Variants in TUNAR observed in about 807,000 individuals in gnomAD.
TUNAR encodes protein TUNAR.
intron 2 of TUNAR, among the ~76,000 whole-genome samples, chr14:95,887,118 G>C (rs968499636): frequency 2.6e-5 from 4 of 152,146 alleles, no homozygotes; most frequent in African/African-American, 9.7e-5. Flanking sequence ...CTCCTGAAAC[G>C]CACCATCAGG....
chr14:95,909,539 C>T (rs1889480140), intron 2 of TUNAR, among the ~76,000 whole-genome samples: 1 of 152,140 alleles, frequency 6.6e-6, no homozygotes, highest in South Asian at 2.1e-4. Flanking sequence ...CGCCTCAGCC[C>T]CGCAAAGTGC....
chr14:95,887,452 C>CATAAGAA (rs1449174799), intron 2 of TUNAR, among the ~76,000 whole-genome samples: 6 of 152,322 alleles, frequency 3.9e-5, no homozygotes, highest in African/African-American at 1.4e-4. Context: ...GCATAAGAAG[C>CATAAGAA]TGATGACAGC....
intron 2 of TUNAR, among the ~76,000 whole-genome samples, chr14:95,880,517 A>G (rs973861589): frequency 6.6e-6 from 1 of 152,180 alleles, no homozygotes; most frequent in Non-Finnish European, 1.5e-5. Context: ...AAGAACTATT[A>G]TGTAATTTGG....
At chr14:95,920,181 T>A (rs912353650) in intron 2 of TUNAR, among the ~76,000 whole-genome samples, 3 of 152,152 alleles carry the variant, frequency 2.0e-5, no homozygotes, top group Non-Finnish European at 4.4e-5. Context: ...ACTGTATGAT[T>A]CCATTTACGC....
At chr14:95,882,589 C>T (rs1465869074) in intron 2 of TUNAR, among the ~76,000 whole-genome samples, 1 of 152,188 alleles carries the variant, frequency 6.6e-6, no homozygotes, top group East Asian at 1.9e-4. Flanking sequence ...AATGCCTTGG[C>T]AGACCTGCAT....
At chr14:95,917,276 A>G (rs966552300) in intron 2 of TUNAR, among the ~76,000 whole-genome samples, 5 of 152,186 alleles carry the variant, frequency 3.3e-5, no homozygotes, top group African/African-American at 9.7e-5. Context: ...ACAGATACTC[A>G]GGTATTCCAA....
In TUNAR at chr14:95,876,960, T is replaced by G. The variant is rs1888893107; in HGVS notation, c.-206T>G. The G allele has an allele frequency of 6.6e-6, 1 of 152,258 alleles. No individual in the cohort carries two copies. Among genetic ancestry groups the G allele is most frequent in the Non-Finnish European group, 1.5e-5 (1 of 68,104 alleles). The allele number at this position is 152,258 out of a possible 1,614,324, so 9.4% of individuals were successfully genotyped here. ...ACCTAGCCAGCGGCAGACGGGGACA[T>G]GAGCAGCGCGCACGGGGTCCCGCGC... On this transcript the variant is annotated 5_prime_UTR_variant, in exon 2 of 3. It removes an upstream start codon present in the reference 5' UTR. Transcript: ENST00000678517.
chr14:95,908,469 G>A (rs1258255378), intron 2 of TUNAR, among the ~76,000 whole-genome samples: 2 of 152,208 alleles, frequency 1.3e-5, no homozygotes, highest in African/African-American at 4.8e-5. Flanking sequence ...TAGCATCAAG[G>A]AAAGGCAGAT....
At chr14:95,891,506 G>A (rs1191694402) in intron 2 of TUNAR, among the ~76,000 whole-genome samples, 2 of 152,202 alleles carry the variant, frequency 1.3e-5, no homozygotes, top group Middle Eastern at 3.2e-3. Context: ...GCCCAAAATG[G>A]CAGATGAGGA....
chr14:95,905,172 G>A (rs1889412004), intron 2 of TUNAR, among the ~76,000 whole-genome samples: 2 of 152,084 alleles, frequency 1.3e-5, no homozygotes, highest in Admixed American at 1.3e-4. Flanking sequence ...GCACCCAGTG[G>A]CCCCTCCCGT....
At chr14:95,920,621 C>T (rs1889681910) in intron 2 of TUNAR, among the ~76,000 whole-genome samples, 2 of 152,184 alleles carry the variant, frequency 1.3e-5, no homozygotes, top group African/African-American at 4.8e-5. Context: ...GCTTGCCTCT[C>T]GTTCATACGG....
At chr14:95,878,746 C>A (rs1455931787) in intron 2 of TUNAR, among the ~76,000 whole-genome samples, 1 of 152,198 alleles carries the variant, frequency 6.6e-6, no homozygotes, top group Non-Finnish European at 1.5e-5. Flanking sequence ...ACTGGGCTAA[C>A]ACATAGTGGC....
chr14:95,919,014 C>G (rs1160281609), intron 2 of TUNAR, among the ~76,000 whole-genome samples: 4 of 152,168 alleles, frequency 2.6e-5, no homozygotes, highest in Non-Finnish European at 5.9e-5. Context: ...TGCAGTCTTT[C>G]TAAGACGACG....
At chr14:95,878,089 G>A (rs533986437) in intron 2 of TUNAR, among the ~76,000 whole-genome samples, 3 of 152,326 alleles carry the variant, frequency 2.0e-5, no homozygotes, top group Admixed American at 2.0e-4. Flanking sequence ...TAACCGGAGC[G>A]GGGGCTGATC....
intron 2 of TUNAR, among the ~76,000 whole-genome samples, chr14:95,906,919 G>A (rs1331702799): frequency 1.3e-5 from 2 of 152,062 alleles, no homozygotes; most frequent in Non-Finnish European, 2.9e-5. Context: ...CCACCTCTAG[G>A]GAACCAGTCT....
intron 2 of TUNAR, among the ~76,000 whole-genome samples, chr14:95,910,427 G>A (rs1428633370): frequency 6.6e-6 from 1 of 152,212 alleles, no homozygotes; most frequent in Non-Finnish European, 1.5e-5. Context: ...TGGAGGAACT[G>A]TGTATTTATT....
chr14:95,900,003 T>C (rs939809053), intron 2 of TUNAR, among the ~76,000 whole-genome samples: 1 of 152,218 alleles, frequency 6.6e-6, no homozygotes, highest in African/African-American at 2.4e-5. Flanking sequence ...AACAGTGAAA[T>C]CATTCAAAGG....
intron 2 of TUNAR, among the ~76,000 whole-genome samples, chr14:95,902,513 G>C (rs1889370331): frequency 6.6e-6 from 1 of 152,186 alleles, no homozygotes; most frequent in Non-Finnish European, 1.5e-5. Context: ...TGAAATACAG[G>C]CTGTTGATCC....
intron 2 of TUNAR, among the ~76,000 whole-genome samples, chr14:95,910,372 C>T (rs760353017): frequency 6.6e-5 from 10 of 152,064 alleles, no homozygotes; most frequent in Admixed American, 2.6e-4. Flanking sequence ...ATGGGGCCAG[C>T]GTAGATTAAA....
Sources: allele counts gnomAD v4.1 joint callset (sites outside exome capture counted in the v4.1 genomes callset), GRCh38; gene constraint gnomAD v4.1.1; transcripts MANE v1.5; gene names NCBI Gene and HGNC (gene_info 2026-07-23, HGNC 2026-07-21).